Variants in RAD50 observed in about 807,000 individuals in gnomAD.
RAD50 encodes the protein DNA repair protein RAD50.
Under a neutral mutation model 168.8 loss-of-function variants are expected in RAD50, and 132 were observed. The ratio of observed to expected loss-of-function variants is 0.78; its 90% CI spans 0.68 to 0.90. RAD50 has a LOEUF of 0.90. Among genes scored for constraint, RAD50 ranks in the 40% least tolerant of loss-of-function variants. The pLI, the probability that RAD50 is intolerant of heterozygous loss-of-function variation, is 0.00. For missense variants in RAD50, 1,347 were observed against 1,534.4 expected (o/e 0.88, Z 2.04); for synonymous variants, 525 against 497.4 (o/e 1.06, Z -0.74).
At chr5:132,559,073 T>G (rs1231457037) in intron 1 of RAD50, among the ~76,000 whole-genome samples, 1 of 152,214 alleles carries the variant, frequency 6.6e-6, no homozygotes, top group South Asian at 2.1e-4. Flanking sequence ...AAGTAACAAT[T>G]CTTCATATTA....
chr5:132,580,002 A>T lies in RAD50; in HGVS notation c.692A>T (p.Glu231Val), dbSNP rs757472687. The change falls in exon 5 of 25, where the codon GAA becomes GTA. Residue 231 changes from glutamate to valine, a missense_variant. Transcript: ENST00000378823. ...ATTCGTGATCAGATTACAAGTAAGGAAGCCCAGTTAACATCTTCAAAGGAA... is the reference window on the plus strand; with the variant it reads ...ATTCGTGATCAGATTACAAGTAAGGTAGCCCAGTTAACATCTTCAAAGGAA... The part of the protein sequence containing the change: ...CEIRDQITSK[E>V]AQLTSSKEIV... 2 of 1,613,450 alleles carry T rather than the reference A, an allele frequency of 1.2e-6. No individual in the cohort carries two copies. The highest frequency in any genetic ancestry group is 1.7e-6 in the Non-Finnish European group (2 of 1,179,446).
At chr5:132,601,871 A>C (rs59488725) in intron 13 of RAD50, among the ~76,000 whole-genome samples, 4,266 of 152,206 alleles carry the variant, frequency 0.028, 209 homozygotes, top group African/African-American at 0.098. Flanking sequence ...GCAAACTAAC[A>C]CAGGAGCAGA....
chr5:132,557,660 C>T (rs1431350300), intron 1 of RAD50, among the ~76,000 whole-genome samples: 1 of 152,184 alleles, frequency 6.6e-6, no homozygotes, highest in East Asian at 1.9e-4. Context: ...CGGACCTGGC[C>T]TGGGGACAAG....
intron 2 of RAD50, among the ~76,000 whole-genome samples, chr5:132,571,998 C>T (rs1020178813): frequency 5.3e-5 from 8 of 152,064 alleles, no homozygotes; most frequent in African/African-American, 1.9e-4. Context: ...GACATAACCA[C>T]CAAATACAAA....
Position 132,591,239 on chromosome 5 carries a change from A to C in RAD50, c.1468A>C (p.Lys490Gln), listed in dbSNP as rs1161094519. The C allele has an allele frequency of 6.2e-7, 1 of 1,611,566 alleles. No individual in the cohort carries two copies. The highest frequency in any genetic ancestry group is 1.7e-5 in the Admixed American group (1 of 60,022). Residue 490 changes from lysine to glutamine, a missense_variant, in exon 10 of 25, where the codon AAG becomes CAG. Physicochemically the swap from Lys to Gln is moderately conservative, Grantham distance 53 (BLOSUM62 1). This residue lies in a region of RAD50 where 703 missense variants were observed against 767.7 expected (regional missense o/e 0.92). Transcript: ENST00000378823. ...ELIKAERELSKAEKNSNVETL... is the reference protein window; with the variant it reads ...ELIKAERELSQAEKNSNVETL... ...TATTGACTAGGAACGTGAGTTAAGCAAGGCTGAGAAAAACAGCAATGTAGA... is the reference window on the plus strand; with the variant it reads ...TATTGACTAGGAACGTGAGTTAAGCCAGGCTGAGAAAAACAGCAATGTAGA...
intron 2 of RAD50, among the ~76,000 whole-genome samples, chr5:132,561,468 C>T (rs550053665): frequency 6.8e-6 from 1 of 147,370 alleles, no homozygotes; most frequent in South Asian, 2.2e-4. Context: ...GCTGGGATTA[C>T]AGATGTGAGC....
In RAD50 at chr5:132,608,729, A is replaced by T; in HGVS notation, c.2829+4A>T. ...CAACAAAATAGCACAGGATAAAGTA[A>T]GATTTCATTTATATATTTACTTATC... On this transcript the variant is annotated splice_donor_region_variant and intron_variant, in intron 17 of 24. Transcript: ENST00000378823. 6.4e-7 allele frequency: 1 copy of T among 1,572,934 alleles called. No individual in the cohort carries two copies. Among genetic ancestry groups the T allele is most frequent in the Non-Finnish European group, 8.6e-7 (1 of 1,159,288 alleles).
In RAD50 at chr5:132,644,638, CT is replaced by C; in HGVS notation, c.*2277del. On this transcript the variant is annotated 3_prime_UTR_variant, in exon 25 of 25. Coordinates refer to ENST00000378823, the MANE Select transcript of RAD50 (RefSeq NM_005732.4). The stretch of plus-strand genomic sequence containing the variant: ...TTCATTTCACTCTTGTTGCAGTTAT[CT>C]TTCATTCCCAGCTTGGTCACTCCCT... 1 of 178,352 alleles carries C rather than the reference CT, an allele frequency of 5.6e-6. No individual in the cohort carries two copies. The allele number at this position is 178,352 out of a possible 1,614,324, so 11.0% of individuals were successfully genotyped here.
chr5:132,590,997 C>T (rs144319601), intron 9 of RAD50, among the ~76,000 whole-genome samples: 242 of 152,262 alleles, frequency 1.6e-3, no homozygotes, highest in African/African-American at 5.5e-3. Flanking sequence ...CTGTTTGACC[C>T]TTCTAGGTTT....
intron 5 of RAD50, among the ~76,000 whole-genome samples, chr5:132,583,690 C>CTT (rs35842753): frequency 4.0e-4 from 47 of 117,620 alleles, no homozygotes; most frequent in South Asian, 8.2e-4. Context: ...TAATTCATTC[C>CTT]TTTTTTTTTT....
At position 132,557,007 on chromosome 5, in the gene RAD50, G is replaced by A. The variant is rs971437916; in HGVS notation, c.-318G>A. The A allele has an allele frequency of 5.4e-5, 40 of 746,228 alleles. No homozygotes were observed. Among genetic ancestry groups the A allele is most frequent in the Non-Finnish European group, 7.5e-5 (38 of 506,418 alleles). 46.2% of individuals were successfully genotyped at this position (746,228 alleles called of 1,614,324 possible). A position where few individuals can be genotyped will look rare whatever the true frequency, so the allele number is the denominator to read the frequency against. The stretch of plus-strand genomic sequence containing the variant: ...ATCCGCAGGGCGGCCGAGGCAGGAA[G>A]CTGTGAGTGCGCGGTTGCGGGGTCG... On this transcript the variant is annotated 5_prime_UTR_variant, in exon 1 of 25. Coordinates refer to ENST00000378823, the MANE Select transcript of RAD50 (RefSeq NM_005732.4).
chr5:132,595,237 A>G (rs1196428511), intron 12 of RAD50, 193 bp downstream of exon 12: 2 of 640,058 alleles, frequency 3.1e-6, no homozygotes, highest in South Asian at 1.9e-5. Flanking sequence ...TTCATTGTCT[A>G]TAAAATGAGG....
chr5:132,617,647 T>A (rs1203134349), intron 20 of RAD50, among the ~76,000 whole-genome samples: 1 of 152,226 alleles, frequency 6.6e-6, no homozygotes, highest in Non-Finnish European at 1.5e-5. Flanking sequence ...ATGATTTAAT[T>A]CGTATTGTGC....
chr5:132,587,807 C>T, intron 6 of RAD50, 117 bp downstream of exon 6: 2 of 1,538,960 alleles, frequency 1.3e-6, no homozygotes, highest in African/African-American at 2.7e-5. Flanking sequence ...CTTGTTACTT[C>T]TATGTATATG....
At position 132,579,022 on chromosome 5, in the gene RAD50, T is replaced by C. The variant is rs13360175; in HGVS notation, c.366-295T>C. On this transcript the variant is annotated intron_variant, in intron 3 of 24. Transcript: ENST00000378823. ...TGTCTCTTATTTTTAAGACAGTTAA[T>C]GCTCTATATAGTATCTCTAAGTATT... 0.047 allele frequency among the ~76,000 whole-genome samples: 7,218 copies of C among 152,272 alleles called. 560 individuals carry two copies. The highest frequency in any genetic ancestry group is 0.17 in the African/African-American group (6,858 of 41,512).
intron 13 of RAD50, among the ~76,000 whole-genome samples, chr5:132,597,885 G>T (rs1750818535): frequency 6.6e-6 from 1 of 151,994 alleles, no homozygotes. Context: ...GGAAGGAGAG[G>T]AATAAGGTAG....
intron 2 of RAD50, among the ~76,000 whole-genome samples, chr5:132,560,360 C>T (rs184736547): frequency 6.6e-6 from 1 of 151,862 alleles, no homozygotes; most frequent in African/African-American, 2.4e-5. Flanking sequence ...TTGTTTCTAC[C>T]TTAGTGTGAT....
intron 19 of RAD50, among the ~76,000 whole-genome samples, chr5:132,613,421 G>A (rs1202665548): frequency 6.6e-6 from 1 of 151,918 alleles, no homozygotes; most frequent in African/African-American, 2.4e-5. Context: ...TACTATAACT[G>A]CATCTGATTT....
chr5:132,600,955 T>G (rs1750877159), intron 13 of RAD50, among the ~76,000 whole-genome samples: 1 of 152,120 alleles, frequency 6.6e-6, no homozygotes, highest in African/African-American at 2.4e-5. Context: ...GAAAATAATT[T>G]TAAAAAACCT....
Sources: gnomAD v4.1 joint callset for allele counts (sites outside exome capture counted in the v4.1 genomes callset) on GRCh38, gnomAD v4.1.1 for gene constraint, gnomAD v4.1.1 regional missense constraint, MANE v1.5 for transcripts, NCBI Gene and HGNC (gene_info 2026-07-23, HGNC 2026-07-21) for gene names.